WDR17: variants seen among roughly 807,000 people sequenced by gnomAD.
The protein encoded by WDR17 is WD repeat-containing protein 17.
A neutral mutation model predicts 161.7 loss-of-function variants in WDR17; 143 were observed. That is an observed-to-expected ratio of 0.88 (90% CI 0.77 to 1.02). The LOEUF (loss-of-function observed/expected upper bound fraction) is 1.02, where lower values mean the gene tolerates loss of function less well. WDR17 is among the 50% of genes least tolerant of loss of function. The pLI is 0.00. For synonymous variants in WDR17, 517 were observed against 515.6 expected, an observed-to-expected ratio of 1.00 and a Z score of -0.04; for missense variants, 1,469 against 1,520.9, an observed-to-expected ratio of 0.97 and a Z score of 0.57.
chr4:176,175,783 T>A (rs1426762670), intron 26 of WDR17, among the ~76,000 whole-genome samples: 2 of 152,124 alleles, frequency 1.3e-5, no homozygotes, highest in African/African-American at 4.8e-5. Flanking sequence ...ATGGTCTCGA[T>A]CTCCTGACCT....
At chr4:176,128,707 T>C (rs746232329) in intron 5 of WDR17, 31 bp from the exon 6 acceptor site, 2 of 1,584,354 alleles carry the variant, frequency 1.3e-6, no homozygotes, top group East Asian at 2.3e-5. Flanking sequence ...ACAAAACTTG[T>C]TAAAATGTGC....
chr4:176,142,077 G>A lies in WDR17; in HGVS notation c.1529+8G>A, dbSNP rs115564466. ...TTGGAGCCAAAACAATAAGTAAGTG[G>A]TTTTTTTTCCTGAAATAAATAATAA... On this transcript the variant is annotated splice_region_variant and intron_variant, in intron 11 of 28. Coordinates refer to ENST00000508596, the MANE Select transcript of WDR17 (RefSeq NM_181265.4). 7 of 1,600,644 alleles carry A rather than the reference G, an allele frequency of 4.4e-6. No individual in the cohort carries two copies. The highest frequency in any genetic ancestry group is 1.3e-5 in the African/African-American group (1 of 74,120).
At chr4:176,110,761 C>T (rs192611454) in intron 1 of WDR17, among the ~76,000 whole-genome samples, 23 of 152,146 alleles carry the variant, frequency 1.5e-4, no homozygotes, top group Admixed American at 1.3e-4. Context: ...ATTTTAGATA[C>T]GAGAAATAGA....
intron 1 of WDR17, among the ~76,000 whole-genome samples, chr4:176,105,554 T>C (rs1449737359): frequency 6.6e-6 from 1 of 152,034 alleles, no homozygotes; most frequent in East Asian, 1.9e-4. Context: ...TAGAAATCAA[T>C]AACAGAAAGA....
At chr4:176,177,228 G>A (rs1440762344) in intron 27 of WDR17, 72 bp downstream of exon 27, 2 of 1,326,220 alleles carry the variant, frequency 1.5e-6, no homozygotes, top group African/African-American at 2.9e-5. Context: ...TTGGAAGTAT[G>A]TGTGGTCTCA....
Position 176,148,137 on chromosome 4 carries a change from G to A in WDR17, c.1699G>A (p.Val567Ile), listed in dbSNP as rs199973176. Reference sequence around the variant, plus strand: ...CCCATAATATTCTGTTTTCAGTACCGTTCGAATCTGGGATTATACTCAGGA... The same window carrying A: ...CCCATAATATTCTGTTTTCAGTACCATTCGAATCTGGGATTATACTCAGGA... ...ILCSGSDDGT[V>I]RIWDYTQDAC... Residue 567 changes from valine to isoleucine, a missense_variant, in exon 13 of 29, where the codon GTT becomes ATT. Coordinates refer to ENST00000508596, the MANE Select transcript of WDR17 (RefSeq NM_181265.4). The A allele has an allele frequency of 1.9e-5, 31 of 1,613,456 alleles. No individual in the cohort carries two copies. Among genetic ancestry groups the A allele is most frequent in the African/African-American group, 2.7e-5 (2 of 74,852 alleles).
chr4:176,098,868 G>A (rs1244610570), intron 1 of WDR17, among the ~76,000 whole-genome samples: 2 of 151,180 alleles, frequency 1.3e-5, no homozygotes, highest in Non-Finnish European at 3.0e-5. Context: ...TTAATATCTG[G>A]TTTAGCAAGT....
chr4:176,067,834 A>C (rs1192071529), intron 1 of WDR17, among the ~76,000 whole-genome samples: 5 of 152,206 alleles, frequency 3.3e-5, no homozygotes, highest in Admixed American at 1.3e-4. Context: ...GGAGAAGTTT[A>C]AGAACAGGTT....
Position 176,135,203 on chromosome 4 carries a change from TATAAACAC to T in WDR17, c.1197_1204del (p.Thr401SerfsTer8). On this transcript the variant is annotated frameshift_variant, in exon 8 of 29. Coordinates refer to ENST00000508596, the MANE Select transcript of WDR17 (RefSeq NM_181265.4). LOFTEE classifies it high-confidence loss of function. Reference sequence around the variant, plus strand: ...TTGATGGCACTATAAAAGTCTGGGATATAAACACATTAACAGCAGTGTACACATCCCCG... The same window carrying T: ...TTGATGGCACTATAAAAGTCTGGGATATTAACAGCAGTGTACACATCCCCG... The T allele has an allele frequency of 6.2e-7, 1 of 1,612,464 alleles. No individual in the cohort carries two copies. Among genetic ancestry groups the T allele is most frequent in the African/African-American group, 1.3e-5 (1 of 74,982 alleles).
intron 11 of WDR17, among the ~76,000 whole-genome samples, chr4:176,144,585 A>G (rs551710232): frequency 1.3e-5 from 2 of 152,180 alleles, no homozygotes; most frequent in Non-Finnish European, 2.9e-5. Flanking sequence ...TATTAATATA[A>G]TATGTTTAGT....
chr4:176,094,057 C>T (rs77100957), intron 1 of WDR17, among the ~76,000 whole-genome samples: 4,708 of 152,086 alleles, frequency 0.031, 198 homozygotes, highest in African/African-American at 0.097. Context: ...TTGGTGATGG[C>T]ATGATGACAA....
At position 176,065,864 on chromosome 4, in the gene WDR17, C is replaced by A. The variant is rs1431519681; in HGVS notation, c.-222C>A. 1.3e-5 allele frequency: 2 copies of A among 152,192 alleles called. No homozygotes were observed. The highest frequency in any genetic ancestry group is 2.9e-5 in the Non-Finnish European group (2 of 68,048). 9.4% of individuals were successfully genotyped at this position (152,192 alleles called of 1,614,324 possible). On this transcript the variant is annotated 5_prime_UTR_variant, in exon 1 of 29. Coordinates refer to ENST00000508596, the MANE Select transcript of WDR17 (RefSeq NM_181265.4). ...TGGGGCAGACCCTGGAGATCGGGCT[C>A]GCGGCGCCTTCCATCGTGGCTCCGC... is the stretch of plus-strand genomic sequence containing the variant.
chr4:176,092,898 C>T (rs1307439602), intron 1 of WDR17, among the ~76,000 whole-genome samples: 2 of 151,936 alleles, frequency 1.3e-5, no homozygotes, highest in Admixed American at 6.6e-5. Context: ...AAAAATTAGC[C>T]GGGTGTGGTG....
intron 7 of WDR17, among the ~76,000 whole-genome samples, chr4:176,134,684 A>G (rs1246327320): frequency 6.6e-6 from 1 of 151,724 alleles, no homozygotes; most frequent in Non-Finnish European, 1.5e-5. Flanking sequence ...GCATTAAATG[A>G]CTTTTAGTTT....
At chr4:176,178,917 A>G (rs1445630939) in intron 28 of WDR17, among the ~76,000 whole-genome samples, 1 of 152,212 alleles carries the variant, frequency 6.6e-6, no homozygotes, top group Non-Finnish European at 1.5e-5. Context: ...ACCCTGGCAT[A>G]TATCATAACT....
chr4:176,129,426 A>G (rs1743001938), intron 6 of WDR17, among the ~76,000 whole-genome samples: 1 of 152,038 alleles, frequency 6.6e-6, no homozygotes, highest in South Asian at 2.1e-4. Context: ...AATAAAATAC[A>G]CTTAATTTAT....
At chr4:176,119,527 A>G (rs1741202657) in intron 3 of WDR17, among the ~76,000 whole-genome samples, 1 of 152,180 alleles carries the variant, frequency 6.6e-6, no homozygotes, top group Non-Finnish European at 1.5e-5. Context: ...GAATGCCTAG[A>G]GGTCTTATAT....
At chr4:176,096,651 T>G in intron 1 of WDR17, 1 of 1,294,576 alleles carries the variant, frequency 7.7e-7, no homozygotes, top group South Asian at 1.4e-5. Context: ...TCTCATATAG[T>G]TTTATATCTG....
intron 22 of WDR17, chr4:176,166,028 TA>T (rs1690366158): frequency 4.9e-6 from 3 of 615,364 alleles, no homozygotes; most frequent in African/African-American, 2.0e-5. Flanking sequence ...ATTTTTAAGC[TA>T]TAAACAGCGC....
Sources: allele counts gnomAD v4.1 joint callset (sites outside exome capture counted in the v4.1 genomes callset), GRCh38; gene constraint gnomAD v4.1.1; transcripts MANE v1.5; gene names NCBI Gene and HGNC (gene_info 2026-07-23, HGNC 2026-07-21).